The following ASXL1 variants were observed in gnomAD, a reference collection of about 807,000 sequenced individuals.
The protein encoded by ASXL1 is ASXL transcriptional regulator 1, also known as polycomb group protein ASXL1.
Under a neutral mutation model 89.1 loss-of-function variants are expected in ASXL1, and 65 were observed. The ratio of observed to expected loss-of-function variants is 0.73; its 90% CI spans 0.60 to 0.90. The LOEUF (loss-of-function observed/expected upper bound fraction) is 0.90. Among genes scored for constraint, ASXL1 ranks in the 40% least tolerant of loss-of-function variants. ASXL1 has a pLI of 0.00. For missense variants in ASXL1, 1,786 were observed against 1,942.9 expected, an observed-to-expected ratio of 0.92 and a Z score of 1.52; for synonymous variants, 739 against 746.9, an observed-to-expected ratio of 0.99 and a Z score of 0.17.
In ASXL1 at chr20:32,435,701, G is replaced by A. The variant is rs786205552; in HGVS notation, c.2989G>A (p.Glu997Lys). 2 of 1,614,086 alleles carry A rather than the reference G, an allele frequency of 1.2e-6. No individual in the cohort carries two copies. Among genetic ancestry groups the A allele is most frequent in the Non-Finnish European group, 8.5e-7 (1 of 1,180,044 alleles). ...GDSEALSPHG[E>K]STDTASDFEG... The stretch of plus-strand genomic sequence containing the variant: ...CTCTGAAGCACTGAGTCCTCACGGT[G>A]AGTCCACGGATACAGCCTCTGACTT... Residue 997 changes from glutamate (E) to lysine (K), a missense_variant, in exon 13 of 13, where the codon GAG becomes AAG. Glu to Lys is a moderately conservative substitution (Grantham distance 56). Transcript: ENST00000375687.
chr20:32,374,016 A>G (rs574578120), intron 4 of ASXL1, among the ~76,000 whole-genome samples: 40 of 151,922 alleles, frequency 2.6e-4, no homozygotes, highest in African/African-American at 9.4e-4. Context: ...ATATGTGTGT[A>G]TTTATTTATT....
Position 32,435,476 on chromosome 20 carries a change from G to A in ASXL1, c.2764G>A (p.Val922Ile), listed in dbSNP as rs958081639. Residue 922 changes from valine to isoleucine, a missense_variant, in exon 13 of 13, where the codon GTT becomes ATT. By Grantham distance (29) the Val-to-Ile change is conservative. Transcript: ENST00000375687. ...KPESREHIPS[V>I]EPQVGEEWEK... The stretch of plus-strand genomic sequence containing the variant: ...AGAATCCAGAGAACACATACCATCT[G>A]TTGAGCCCCAGGTTGGAGAGGAGTG... 2.5e-6 allele frequency: 4 copies of A among 1,614,078 alleles called. No homozygotes were observed. Among genetic ancestry groups the A allele is most frequent in the Non-Finnish European group, 3.4e-6 (4 of 1,180,026 alleles).
rs373418380 is a variant in ASXL1, at chr20:32,429,988, G to A, written c.653G>A (p.Arg218His). The A allele has an allele frequency of 3.7e-6, 6 of 1,608,692 alleles. No homozygotes were observed. The highest frequency in any genetic ancestry group is 5.1e-6 in the Non-Finnish European group (6 of 1,179,934). The change falls in exon 8 of 13, where the codon CGT becomes CAT. Residue 218 changes from arginine to histidine, a missense_variant. Transcript: ENST00000375687. The surrounding 1 kb of genome is among the most constrained non-coding windows in gnomAD (Gnocchi z 4.9). ...CTGGCCCTGGGCAGCGCTGCTATTC[G>A]TGGCCAGGCCGAGGTCACCCAGGAC... ...GSLALGSAAI[R>H]GQAEVTQDPA...
At chr20:32,415,668 A>G (rs1048828235) in intron 4 of ASXL1, among the ~76,000 whole-genome samples, 1 of 152,004 alleles carries the variant, frequency 6.6e-6, no homozygotes, top group Admixed American at 6.6e-5. Flanking sequence ...GCAGCCATAA[A>G]CTTCAACTTT....
At position 32,435,434 on chromosome 20, in the gene ASXL1, G is replaced by C; in HGVS notation, c.2722G>C (p.Val908Leu). 6.2e-7 allele frequency: 1 copy of C among 1,614,128 alleles called. No individual in the cohort carries two copies. The highest frequency in any genetic ancestry group is 8.5e-7 in the Non-Finnish European group (1 of 1,180,038). ...ACCCATCCCATCGAATGATGAGGTA[G>C]TGAAACAGCCCAAACCAGAATCCAG... is the stretch of plus-strand genomic sequence containing the variant. ...WIPIPSNDEVVKQPKPESREH... is the reference protein window; with the variant it reads ...WIPIPSNDEVLKQPKPESREH... The change falls in exon 13 of 13, where the codon GTG (valine) becomes CTG (leucine). Residue 908 changes from valine (V) to leucine (L), a missense_variant. Physicochemically the swap from Val to Leu is conservative, Grantham distance 32 (BLOSUM62 1). Coordinates refer to ENST00000375687, the MANE Select transcript of ASXL1 (RefSeq NM_015338.6).
chr20:32,359,343 A>C (rs1344383117), intron 1 of ASXL1: 1 of 702,540 alleles, frequency 1.4e-6, no homozygotes, highest in East Asian at 2.7e-5. Flanking sequence ...AGGTGCGTGG[A>C]GGGAAGCAAG....
intron 4 of ASXL1, among the ~76,000 whole-genome samples, chr20:32,378,495 G>A (rs1406199638): frequency 6.6e-6 from 1 of 152,174 alleles, no homozygotes; most frequent in Non-Finnish European, 1.5e-5. Context: ...ATCAGTGCTT[G>A]GAGCTAGTCC....
At chr20:32,423,097 T>C (rs1446071989) in intron 4 of ASXL1, among the ~76,000 whole-genome samples, 5 of 152,188 alleles carry the variant, frequency 3.3e-5, no homozygotes, top group African/African-American at 1.2e-4. Flanking sequence ...TTATAGAGTT[T>C]ATATGGAAAG....
intron 4 of ASXL1, among the ~76,000 whole-genome samples, chr20:32,423,818 G>T (rs1178096410): frequency 1.3e-5 from 2 of 152,182 alleles, no homozygotes; most frequent in Non-Finnish European, 2.9e-5. Context: ...CAAAATGCTG[G>T]AATTACAGGC....
At chr20:32,371,965 CAT>C (rs1371092648) in intron 4 of ASXL1, 3 of 428,178 alleles carry the variant, frequency 7.0e-6, no homozygotes, top group East Asian at 6.5e-5. Context: ...TTATTTAATA[CAT>C]ATATGTTTAT....
intron 4 of ASXL1, among the ~76,000 whole-genome samples, chr20:32,409,209 G>A (rs1391876310): frequency 1.3e-5 from 2 of 152,034 alleles, no homozygotes; most frequent in African/African-American, 2.4e-5. Context: ...TCTTGACCTC[G>A]TGATCTACCT....
intron 4 of ASXL1, among the ~76,000 whole-genome samples, chr20:32,380,760 C>CA (rs1334714990): frequency 1.8e-4 from 28 of 151,478 alleles, no homozygotes; most frequent in South Asian, 6.2e-4. Context: ...AACAAAGAAA[C>CA]AAAAAAAACC....
At chr20:32,419,625 G>C (rs895244216) in intron 4 of ASXL1, among the ~76,000 whole-genome samples, 2 of 150,722 alleles carry the variant, frequency 1.3e-5, no homozygotes, top group Admixed American at 6.6e-5. Flanking sequence ...TTATATTTTT[G>C]TTATAAATTA....
intron 1 of ASXL1, among the ~76,000 whole-genome samples, chr20:32,361,711 TTTTG>T (rs1405231282): frequency 6.6e-6 from 1 of 152,108 alleles, no homozygotes; most frequent in African/African-American, 2.4e-5. Context: ...TGTGTGTGTT[TTTTG>T]TTTTAGAATT....
chr20:32,417,152 T>G (rs1470213242), intron 4 of ASXL1, among the ~76,000 whole-genome samples: 1 of 152,204 alleles, frequency 6.6e-6, no homozygotes, highest in East Asian at 1.9e-4. Flanking sequence ...TTTTTAAAAA[T>G]TAATGTGTTT....
intron 4 of ASXL1, among the ~76,000 whole-genome samples, chr20:32,388,746 T>C (rs1472501446): frequency 2.6e-5 from 4 of 152,194 alleles, no homozygotes; most frequent in African/African-American, 9.6e-5. Context: ...GTGCTGTTTT[T>C]CCTCTCTTGA....
intron 4 of ASXL1, among the ~76,000 whole-genome samples, chr20:32,384,731 G>A (rs745830334): frequency 1.3e-5 from 2 of 152,122 alleles, no homozygotes; most frequent in African/African-American, 2.4e-5. Flanking sequence ...GAAGTTCAGA[G>A]CCCTGTGAAA....
chr20:32,429,217 C>A lies in ASXL1; in HGVS notation c.472-121C>A. Reference sequence around the variant, plus strand: ...CAGTGCTCTTGTCAGCATTATTTGACAGATCTGGTTGAAGACGAACTTCAT... The same window carrying A: ...CAGTGCTCTTGTCAGCATTATTTGAAAGATCTGGTTGAAGACGAACTTCAT... On this transcript the variant is annotated intron_variant, in intron 6 of 12. Coordinates refer to ENST00000375687, the MANE Select transcript of ASXL1 (RefSeq NM_015338.6). The surrounding 1 kb of genome is among the most constrained non-coding windows in gnomAD (Gnocchi z 4.9). 1 of 955,034 alleles carries A rather than the reference C, an allele frequency of 1.0e-6. No homozygotes were observed. The highest frequency in any genetic ancestry group is 1.7e-6 in the Non-Finnish European group (1 of 605,900). The allele number at this position is 955,034 out of a possible 1,614,324, so 59.2% of individuals were successfully genotyped here. A position where few individuals can be genotyped will look rare whatever the true frequency, so the allele number is the denominator to read the frequency against.
intron 4 of ASXL1, among the ~76,000 whole-genome samples, chr20:32,405,967 CA>C (rs998597769): frequency 4.7e-5 from 7 of 150,258 alleles, no homozygotes; most frequent in Non-Finnish European, 7.4e-5. Context: ...TGCAATGTCT[CA>C]AAAAAAAATT....
Sources: gnomAD v4.1 joint callset for allele counts (sites outside exome capture counted in the v4.1 genomes callset) on GRCh38, gnomAD v4.1.1 for gene constraint, Gnocchi (gnomAD v3.1) non-coding constraint, MANE v1.5 for transcripts, NCBI Gene and HGNC (gene_info 2026-07-23, HGNC 2026-07-21) for gene names.